Variants in MACF1 observed in about 807,000 individuals in gnomAD.
The protein encoded by MACF1 is microtubule actin crosslinking factor 1, also known as microtubule-actin cross-linking factor 1.
MACF1 carries 193 observed loss-of-function variants against 854.8 expected under a neutral mutation model. That is an observed-to-expected ratio of 0.23 (90% CI 0.20 to 0.25). The LOEUF is 0.25. Ranked by LOEUF, MACF1 falls within the 10% of genes least tolerant of loss-of-function variation. The pLI is 1.00. For missense variants in MACF1, 7,722 were observed against 8,929.1 expected (o/e 0.86, Z 5.45); for synonymous variants, 3,185 against 3,226.7 (o/e 0.99, Z 0.44).
chr1:39,441,579 T>C (rs1644118587), intron 74 of MACF1, among the ~76,000 whole-genome samples: 1 of 152,216 alleles, frequency 6.6e-6, no homozygotes, highest in Admixed American at 6.5e-5. Flanking sequence ...GTTGTGAAGC[T>C]GGCCTTACTG....
rs1220081233 is a variant in MACF1, at chr1:39,390,323, G to A, written c.15816+1665G>A. Among the ~76,000 whole-genome samples the A allele has an allele frequency of 6.4e-4, 98 of 152,196 alleles. 1 individual carries two copies. The highest frequency in any genetic ancestry group is 1.5e-5 in the Non-Finnish European group (1 of 68,034). ...AAAACATGGATGCAGAGGTAATGTT[G>A]ACACCAGCTCAGAGCCACGTAGTCC... On this transcript the variant is annotated intron_variant, in intron 58 of 100. Transcript: ENST00000564288.
At chr1:39,347,247 T>C in intron 41 of MACF1, 37 bp downstream of exon 41, 1 of 1,466,068 alleles carries the variant, frequency 6.8e-7, no homozygotes, top group Non-Finnish European at 9.5e-7. Flanking sequence ...AGTTTGTCTT[T>C]GGGGATGTCC....
chr1:39,425,231 C>G (rs775698857), intron 61 of MACF1, among the ~76,000 whole-genome samples: 10 of 152,108 alleles, frequency 6.6e-5, no homozygotes, highest in Non-Finnish European at 1.2e-4. Flanking sequence ...CAGTGTCTTT[C>G]CTGTCCATCT....
intron 58 of MACF1, among the ~76,000 whole-genome samples, chr1:39,417,640 G>A (rs942467930): frequency 7.3e-5 from 11 of 150,154 alleles, no homozygotes; most frequent in African/African-American, 2.2e-4. Flanking sequence ...TCTACCTCCC[G>A]GGTTCAAGCA....
rs1170430073 is a variant in MACF1, at chr1:39,123,717, G to GTTTTTTT, written c.220+39293_220+39299dup. Among the ~76,000 whole-genome samples, 196 of 100,464 alleles carry GTTTTTTT rather than the reference G, an allele frequency of 2.0e-3. 2 individuals carry two copies. Among genetic ancestry groups the GTTTTTTT allele is most frequent in the African/African-American group, 4.1e-3 (95 of 23,254 alleles). 65.9% of individuals were successfully genotyped at this position (100,464 alleles called of 152,430 possible). On this transcript the variant is annotated intron_variant, in intron 2 of 93. Transcript: ENST00000361689. Reference sequence around the variant, plus strand: ...ACCATGCCCGGCTAATTCTTGTTTTGTTTTTTTTTTTTTTTTTTTTGTCCG... The same window carrying GTTTTTTT: ...ACCATGCCCGGCTAATTCTTGTTTTGTTTTTTTTTTTTTTTTTTTTTTTTTTTGTCCG...
At chr1:39,262,384 C>T (rs546535720) in intron 6 of MACF1, among the ~76,000 whole-genome samples, 14 of 106,476 alleles carry the variant, frequency 1.3e-4, no homozygotes, top group African/African-American at 4.5e-4. Flanking sequence ...CTGGGCTACA[C>T]GAGACTCCAT....
chr1:39,430,616 G>C, intron 65 of MACF1, 86 bp from the exon 66 acceptor site: 1 of 1,012,678 alleles, frequency 9.9e-7, no homozygotes, highest in Non-Finnish European at 1.5e-6. Context: ...TGGGATGTGT[G>C]GTAGAGATAG....
intron 72 of MACF1, 42 bp from the exon 73 acceptor site, chr1:39,440,961 C>T: frequency 6.2e-7 from 1 of 1,611,762 alleles, no homozygotes; most frequent in Non-Finnish European, 8.5e-7. Flanking sequence ...AAGTTCTGTT[C>T]TGTTTTCTAT....
intron 58 of MACF1, among the ~76,000 whole-genome samples, chr1:39,419,798 AGTGTGTGTGTGTGTGTGT>A (rs3080664): frequency 6.9e-5 from 9 of 131,054 alleles, no homozygotes; most frequent in South Asian, 2.7e-4. Context: ...ATGCCTGGCT[AGTGTGTGTGTGTGTGTGT>A]GTGTGTGTGT....
chr1:39,477,074 TATATATATATATATATACACAC>T (rs1336930421), intron 97 of MACF1, among the ~76,000 whole-genome samples: 1 of 24,924 alleles, frequency 4.0e-5, no homozygotes, highest in African/African-American at 1.3e-4. Context: ...TATATATATA[TATATATATATATATATACACAC>T]ACACACATAT....
chr1:39,393,885 A>G (rs1255207651), intron 58 of MACF1, among the ~76,000 whole-genome samples: 1 of 116,266 alleles, frequency 8.6e-6, no homozygotes, highest in Non-Finnish European at 1.6e-5. Flanking sequence ...GAGAAAGAAA[A>G]GAAAGGAAGG....
intron 1 of MACF1, among the ~76,000 whole-genome samples, chr1:39,217,066 C>A (rs1231463696): frequency 6.6e-6 from 1 of 151,872 alleles, no homozygotes; most frequent in Non-Finnish European, 1.5e-5. Flanking sequence ...AAAATAAAAT[C>A]ACTTGTATAG....
At chr1:39,398,423 G>A (rs1642356261) in intron 58 of MACF1, among the ~76,000 whole-genome samples, 1 of 152,058 alleles carries the variant, frequency 6.6e-6, no homozygotes, top group Admixed American at 6.6e-5. Flanking sequence ...ACAGGAATGA[G>A]CCACAGTGCC....
chr1:39,180,682 G>T (rs1644093509), intron 2 of MACF1, among the ~76,000 whole-genome samples: 1 of 152,156 alleles, frequency 6.6e-6, no homozygotes, highest in South Asian at 2.1e-4. Context: ...TGACGCATTT[G>T]TGATAGAGAA....
intron 49 of MACF1, 52 bp downstream of exon 49, chr1:39,361,729 A>T (rs1569704010): frequency 6.4e-7 from 1 of 1,573,822 alleles, no homozygotes; most frequent in East Asian, 2.2e-5. Flanking sequence ...AAGGGCAGGG[A>T]GAGAACCAGC....
intron 29 of MACF1, among the ~76,000 whole-genome samples, chr1:39,317,636 A>G (rs1167928975): frequency 2.6e-5 from 4 of 152,224 alleles, no homozygotes; most frequent in Admixed American, 6.5e-5. Context: ...TAGTTAAGCC[A>G]CTGATGACAA....
At chr1:39,245,940 C>A (rs1644976819) in intron 2 of MACF1, among the ~76,000 whole-genome samples, 1 of 152,152 alleles carries the variant, frequency 6.6e-6, no homozygotes, top group African/African-American at 2.4e-5. Context: ...CTACCACTCT[C>A]TTGAGAAATA....
chr1:39,346,399 A>G (rs994388604), intron 40 of MACF1, among the ~76,000 whole-genome samples: 5 of 152,138 alleles, frequency 3.3e-5, no homozygotes, highest in Non-Finnish European at 5.9e-5. Flanking sequence ...GATTAACAAT[A>G]GTATAATTAT....
intron 2 of MACF1, among the ~76,000 whole-genome samples, chr1:39,248,651 A>G (rs767780906): frequency 2.0e-5 from 3 of 152,188 alleles, no homozygotes; most frequent in Non-Finnish European, 4.4e-5. Flanking sequence ...AGCCCTTTCT[A>G]GCGTTGTCTG....
Sources: allele counts gnomAD v4.1 joint callset (sites outside exome capture counted in the v4.1 genomes callset), GRCh38; gene constraint gnomAD v4.1.1; transcripts MANE v1.5; gene names NCBI Gene and HGNC (gene_info 2026-07-23, HGNC 2026-07-21).